The following EVI5 variants were observed in gnomAD, a reference collection of about 807,000 sequenced individuals.
EVI5 encodes the protein ecotropic viral integration site 5 protein homolog.
A neutral mutation model predicts 112.0 loss-of-function variants in EVI5; 73 were observed. That is an observed-to-expected ratio of 0.65 (90% confidence interval 0.54 to 0.79). EVI5 has a LOEUF of 0.79. Among genes scored for constraint, EVI5 ranks in the 30% least tolerant of loss-of-function variants. The pLI is 0.00. For synonymous variants in EVI5, 305 were observed against 319.9 expected (o/e 0.95, Z 0.50); for missense variants, 900 against 968.8 (o/e 0.93, Z 0.94).
intron 18 of EVI5, among the ~76,000 whole-genome samples, chr1:92,597,998 G>T (rs1245214032): frequency 2.0e-5 from 3 of 152,168 alleles, no homozygotes; most frequent in Non-Finnish European, 4.4e-5. Context: ...GGTCAAGGCT[G>T]CAGTGAGCTA....
chr1:92,534,812 T>A (rs1177434067), intron 19 of EVI5, among the ~76,000 whole-genome samples: 3 of 152,124 alleles, frequency 2.0e-5, no homozygotes, highest in Non-Finnish European at 4.4e-5. Context: ...CCTGAAACCA[T>A]AAAAACCCTA....
chr1:92,557,196 A>C (rs537727712), intron 19 of EVI5, among the ~76,000 whole-genome samples: 1 of 152,194 alleles, frequency 6.6e-6, no homozygotes, highest in Admixed American at 6.5e-5. Context: ...GGTTTTATCT[A>C]CCTGAGTTTT....
intron 18 of EVI5, among the ~76,000 whole-genome samples, chr1:92,593,266 A>G (rs1674309477): frequency 6.6e-6 from 1 of 152,228 alleles, no homozygotes; most frequent in African/African-American, 2.4e-5. Flanking sequence ...CTGGTTCAAC[A>G]TAGCAAATCA....
intron 16 of EVI5, among the ~76,000 whole-genome samples, chr1:92,617,871 T>A (rs1306909084): frequency 6.6e-6 from 1 of 152,218 alleles, no homozygotes; most frequent in African/African-American, 2.4e-5. Context: ...CCACCATCTG[T>A]GCACTCACGG....
intron 9 of EVI5, among the ~76,000 whole-genome samples, chr1:92,684,312 A>G (rs1163133855): frequency 6.6e-6 from 1 of 152,204 alleles, no homozygotes; most frequent in Admixed American, 6.5e-5. Context: ...AAGCTTCAGA[A>G]GTGAAGGAGA....
At chr1:92,708,008 C>T (rs941333717) in intron 2 of EVI5, among the ~76,000 whole-genome samples, 3 of 151,896 alleles carry the variant, frequency 2.0e-5, no homozygotes, top group Non-Finnish European at 4.4e-5. Context: ...AGAGTACATA[C>T]GATATGATTC....
At chr1:92,663,265 A>G (rs1174513284) in intron 12 of EVI5, among the ~76,000 whole-genome samples, 155 bp downstream of exon 12, 1 of 152,192 alleles carries the variant, frequency 6.6e-6, no homozygotes, top group East Asian at 1.9e-4. Context: ...TGTTACAAAA[A>G]ATTAAATTTA....
At position 92,510,358 on chromosome 1, in the gene EVI5, C is replaced by G. The variant is rs746375483; in HGVS notation, c.*3298G>C. On this transcript the variant is annotated 3_prime_UTR_variant, in exon 20 of 20. Coordinates refer to ENST00000684568, the MANE Select transcript of EVI5 (RefSeq NM_001350197.2). ...GATTCTGGAGTTCTTTCCTTTCTTT[C>G]TCCTTCTCCAAAGATACAGATATCT... The G allele has an allele frequency of 6.6e-6, 1 of 152,146 alleles. No individual in the cohort carries two copies. The highest frequency in any genetic ancestry group is 2.4e-5 in the African/African-American group (1 of 41,422). The allele number at this position is 152,146 out of a possible 1,614,324, so 9.4% of individuals were successfully genotyped here.
At chr1:92,738,999 C>T (rs1372409320) in intron 1 of EVI5, among the ~76,000 whole-genome samples, 4 of 152,096 alleles carry the variant, frequency 2.6e-5, no homozygotes, top group Admixed American at 6.5e-5. Context: ...TGGCCGGGCA[C>T]GGTGGCTCAC....
chr1:92,666,065 G>C (rs1664835843), intron 10 of EVI5, 73 bp from the exon 11 acceptor site: 2 of 896,058 alleles, frequency 2.2e-6, no homozygotes, highest in South Asian at 2.9e-5. Flanking sequence ...TCACAGTCCT[G>C]AAAATGTATC....
intron 9 of EVI5, among the ~76,000 whole-genome samples, chr1:92,692,127 G>C (rs1255015147): frequency 1.3e-5 from 2 of 152,140 alleles, no homozygotes; most frequent in East Asian, 3.8e-4. Flanking sequence ...TCAATCTAGA[G>C]ATCTTGATAA....
intron 19 of EVI5, among the ~76,000 whole-genome samples, chr1:92,554,898 T>C (rs1667458986): frequency 1.3e-5 from 2 of 152,172 alleles, no homozygotes; most frequent in African/African-American, 4.8e-5. Flanking sequence ...GGAGGATCAC[T>C]TGAGCCCAGC....
At chr1:92,577,609 T>C (rs1671281706) in intron 18 of EVI5, among the ~76,000 whole-genome samples, 1 of 152,240 alleles carries the variant, frequency 6.6e-6, no homozygotes, top group Non-Finnish European at 1.5e-5. Context: ...GCCTGTTCTA[T>C]CATTTGTCTC....
At chr1:92,773,947 C>T (rs1683778120) in intron 1 of EVI5, 1 of 151,686 alleles carries the variant, frequency 6.6e-6, no homozygotes, top group East Asian at 1.9e-4. Flanking sequence ...GGGAGGATTG[C>T]TTGAGCCCAG....
intron 5 of EVI5, among the ~76,000 whole-genome samples, chr1:92,701,603 C>T (rs1249607870): frequency 6.6e-6 from 1 of 151,940 alleles, no homozygotes; most frequent in African/African-American, 2.4e-5. Context: ...ATTATCCTAC[C>T]CCCGAATTCT....
At chr1:92,564,012 T>A (rs1025815259) in intron 18 of EVI5, among the ~76,000 whole-genome samples, 13 of 152,102 alleles carry the variant, frequency 8.5e-5, no homozygotes, top group Non-Finnish European at 1.9e-4. Flanking sequence ...AACCTCTGCC[T>A]CCCGGGTTCA....
chr1:92,565,948 C>CAAAAAAAAAAAAAAAAAAAA lies in EVI5; in HGVS notation c.2071-2231_2071-2212dup, dbSNP rs71586755. Among the ~76,000 whole-genome samples, 361 of 51,866 alleles carry CAAAAAAAAAAAAAAAAAAAA rather than the reference C, an allele frequency of 7.0e-3. 98 individuals carry two copies. The highest frequency in any genetic ancestry group is 0.034 in the African/African-American group (347 of 10,132). The allele number at this position is 51,866 out of a possible 152,430, so 34.0% of individuals were successfully genotyped here. ...TTGCGCCACTGCATTCCAGCCCGAG[C>CAAAAAAAAAAAAAAAAAAAA]AAAAAAAAAAAAAAAAAAAAGAAAT... On this transcript the variant is annotated intron_variant, in intron 18 of 19. Transcript: ENST00000684568.
At chr1:92,787,340 T>C (rs1006341214), upstream of EVI5, among the ~76,000 whole-genome samples, 2 of 152,204 alleles carry the variant, frequency 1.3e-5, no homozygotes, top group Admixed American at 6.5e-5. Flanking sequence ...TGGGTAACCT[T>C]TAAAACAGTT....
rs988234914 is a variant in EVI5 at position 92,751,169 on chromosome 1, A to T, written c.-81-14542T>A. 2.6e-5 allele frequency among the ~76,000 whole-genome samples: 4 copies of T among 152,296 alleles called. No homozygotes were observed. In the East Asian group the frequency reaches 7.7e-4, roughly 29 times the overall value. On this transcript the variant is annotated intron_variant, in intron 1 of 19. Transcript: ENST00000684568. ...CCTCTCAAAAAAAATAAAAATAAAT[A>T]AAAAACATATTTTTGGTTACACCAA...
Sources: gnomAD v4.1 joint callset for allele counts (sites outside exome capture counted in the v4.1 genomes callset) on GRCh38, gnomAD v4.1.1 for gene constraint, MANE v1.5 for transcripts, NCBI Gene and HGNC (gene_info 2026-07-23, HGNC 2026-07-21) for gene names.